VIPR1: variants seen among roughly 807,000 people sequenced by gnomAD.
VIPR1 encodes vasoactive intestinal polypeptide receptor 1.
Under a neutral mutation model 58.8 loss-of-function variants are expected in VIPR1, and 59 were observed. The observed-to-expected ratio is 1.00, with a 90% CI of 0.81 to 1.25. VIPR1 has a LOEUF of 1.25. Among genes scored for constraint, VIPR1 ranks in the 50% most tolerant of loss-of-function variants. The pLI, the probability that VIPR1 is intolerant of heterozygous loss-of-function variation, is 0.00. For missense variants in VIPR1, 626 were observed against 602.7 expected, an observed-to-expected ratio of 1.04 and a Z score of -0.40; for synonymous variants, 251 against 242.1, an observed-to-expected ratio of 1.04 and a Z score of -0.34.
chr3:42,528,195 C>A (rs893704677), intron 6 of VIPR1, 72 bp downstream of exon 6: 2 of 1,549,068 alleles, frequency 1.3e-6, no homozygotes, highest in Non-Finnish European at 1.7e-6. Flanking sequence ...CTCCTCTTCT[C>A]CCCCTGCTTC....
At chr3:42,495,353 C>G (rs1026554780) in intron 1 of VIPR1, among the ~76,000 whole-genome samples, 2 of 152,154 alleles carry the variant, frequency 1.3e-5, no homozygotes, top group Non-Finnish European at 2.9e-5. Context: ...CATCTCCTGA[C>G]CTTGTGATCT....
intron 1 of VIPR1, among the ~76,000 whole-genome samples, chr3:42,504,134 A>C (rs1022212634): frequency 6.6e-6 from 1 of 152,238 alleles, no homozygotes; most frequent in African/African-American, 2.4e-5. Flanking sequence ...CACAACTTGC[A>C]TGAAGCCTTC....
intron 2 of VIPR1, among the ~76,000 whole-genome samples, chr3:42,516,368 C>G (rs999062715): frequency 2.6e-5 from 4 of 152,208 alleles, no homozygotes; most frequent in Non-Finnish European, 5.9e-5. Context: ...CACCCCGTCC[C>G]CTGCTTCCCT....
chr3:42,534,859 A>C lies in VIPR1; in HGVS notation c.1011-116A>C, dbSNP rs1577261519. The C allele has an allele frequency of 9.5e-6, 13 of 1,371,058 alleles. No homozygotes were observed. The East Asian group carries it at 2.8e-4, about 30-fold the overall frequency. The allele number at this position is 1,371,058 out of a possible 1,614,324, so 84.9% of individuals were successfully genotyped here. On this transcript the variant is annotated intron_variant, in intron 10 of 12. Transcript: ENST00000325123. ...TCAGAGGAACCTACAGTCCATCCTC[A>C]TACTTCCTGGTCATTGTCCCCATCT...
chr3:42,502,867 CG>C lies in VIPR1; in HGVS notation c.78+59del. On this transcript the variant is annotated intron_variant, in intron 1 of 12. Transcript: ENST00000325123. ...CCGGCAGCCTGGGGGTTGCGGAGGG[CG>C]GGGGAGGTGGGGGATGGCGGGAGCC... 4 of 441,016 alleles carry C rather than the reference CG, an allele frequency of 9.1e-6. No individual in the cohort carries two copies. In the East Asian group the frequency reaches 2.1e-4, roughly 23 times the overall value. 27.3% of individuals were successfully genotyped at this position (441,016 alleles called of 1,614,324 possible). A position where few individuals can be genotyped will look rare whatever the true frequency, so the allele number is the denominator to read the frequency against.
At chr3:42,496,476 A>G (rs1248308256) in intron 1 of VIPR1, among the ~76,000 whole-genome samples, 1 of 152,218 alleles carries the variant, frequency 6.6e-6, no homozygotes, top group South Asian at 2.1e-4. Context: ...TTAGTTACAT[A>G]TACACATAGA....
At chr3:42,497,727 T>A (rs770135226), upstream of VIPR1, among the ~76,000 whole-genome samples, 1 of 152,210 alleles carries the variant, frequency 6.6e-6, no homozygotes, top group Non-Finnish European at 1.5e-5. Context: ...TGAATAACTC[T>A]CATGAGATCT....
rs141777358 is a variant in VIPR1 at position 42,520,758 on chromosome 3, G to A, written c.292+1428G>A. Among the ~76,000 whole-genome samples the A allele has an allele frequency of 5.0e-3, 764 of 152,238 alleles. 4 individuals carry two copies. Among genetic ancestry groups the A allele is most frequent in the African/African-American group, 0.017 (724 of 41,536 alleles). On this transcript the variant is annotated intron_variant, in intron 3 of 12. Coordinates refer to ENST00000325123, the MANE Select transcript of VIPR1 (RefSeq NM_004624.4). Reference sequence around the variant, plus strand: ...TTCCTCCCTGGACCCCAGTTTCCCCGTTTGTAAAGTGGGGATAGGTGGTAG... The same window carrying A: ...TTCCTCCCTGGACCCCAGTTTCCCCATTTGTAAAGTGGGGATAGGTGGTAG...
rs1158988647 is a variant in VIPR1, at chr3:42,519,265, C to G, written c.227C>G (p.Thr76Ser). The change falls in exon 3 of 13, where the codon ACC (threonine) becomes AGC (serine). Residue 76 changes from threonine to serine, a missense_variant. Coordinates refer to ENST00000325123, the MANE Select transcript of VIPR1 (RefSeq NM_004624.4). ...GACAACCTCACCTGCTGGCCAGCCA[C>G]CCCTCGGGGCCAGGTAGTTGTCTTG... ...MWDNLTCWPA[T>S]PRGQVVVLAC... 2 of 1,610,950 alleles carry G rather than the reference C, an allele frequency of 1.2e-6. No individual in the cohort carries two copies. The highest frequency in any genetic ancestry group is 2.2e-5 in the South Asian group (2 of 90,236).
In VIPR1 at chr3:42,536,420, TG is replaced by T; in HGVS notation, c.*141del. 1 of 914,300 alleles carries T rather than the reference TG, an allele frequency of 1.1e-6. No homozygotes were observed. The highest frequency in any genetic ancestry group is 1.7e-5 in the African/African-American group (1 of 57,156). The allele number at this position is 914,300 out of a possible 1,614,324, so 56.6% of individuals were successfully genotyped here. A position where few individuals can be genotyped will look rare whatever the true frequency, so the allele number is the denominator to read the frequency against. On this transcript the variant is annotated 3_prime_UTR_variant, in exon 13 of 13. Transcript: ENST00000325123. ...AGGCTGCCCCCGGCCCCCTGGTCTC[TG>T]GTCCGGACACTCCTAGAGAACGCAG... is the stretch of plus-strand genomic sequence containing the variant.
intron 1 of VIPR1, 163 bp from the exon 2 acceptor site, chr3:42,513,586 A>T: frequency 1.5e-6 from 1 of 683,150 alleles, no homozygotes; most frequent in Non-Finnish European, 2.4e-6. Flanking sequence ...GCAATGGACA[A>T]CAGGTTGGGG....
At chr3:42,496,469 GT>G (rs1198918970) in intron 1 of VIPR1, among the ~76,000 whole-genome samples, 3 of 152,162 alleles carry the variant, frequency 2.0e-5, no homozygotes, top group Non-Finnish European at 4.4e-5. Context: ...CATATTTTTA[GT>G]TACATATACA....
chr3:42,536,400 G>A lies in VIPR1; in HGVS notation c.*119G>A. On this transcript the variant is annotated 3_prime_UTR_variant, in exon 13 of 13. Coordinates refer to ENST00000325123, the MANE Select transcript of VIPR1 (RefSeq NM_004624.4). The stretch of plus-strand genomic sequence containing the variant: ...AGCCCCGGCCCTGGGCTCGGAGGCT[G>A]CCCCCGGCCCCCTGGTCTCTGGTCC... 9.1e-7 allele frequency: 1 copy of A among 1,095,878 alleles called. No homozygotes were observed. Among genetic ancestry groups the A allele is most frequent in the Non-Finnish European group, 1.2e-6 (1 of 801,760 alleles). 67.9% of individuals were successfully genotyped at this position (1,095,878 alleles called of 1,614,324 possible). A position where few individuals can be genotyped will look rare whatever the true frequency, so the allele number is the denominator to read the frequency against.
intron 2 of VIPR1, among the ~76,000 whole-genome samples, chr3:42,517,501 T>C (rs1444411527): frequency 6.6e-6 from 1 of 152,206 alleles, no homozygotes; most frequent in Non-Finnish European, 1.5e-5. Flanking sequence ...GGCATTTGCA[T>C]GTGCCTATTC....
chr3:42,491,328 T>A (rs1699661194), intron 1 of VIPR1, among the ~76,000 whole-genome samples: 2 of 152,216 alleles, frequency 1.3e-5, no homozygotes, highest in Non-Finnish European at 2.9e-5. Context: ...TTTTGGTATT[T>A]CTTAGTGTGA....
chr3:42,505,755 G>A (rs1000831582), intron 1 of VIPR1, among the ~76,000 whole-genome samples: 3 of 152,232 alleles, frequency 2.0e-5, no homozygotes, highest in Non-Finnish European at 4.4e-5. Flanking sequence ...TCCACTCCAT[G>A]GCAATGGCTT....
intron 1 of VIPR1, among the ~76,000 whole-genome samples, chr3:42,503,211 C>G (rs1273168103): frequency 6.6e-6 from 1 of 152,108 alleles, no homozygotes; most frequent in African/African-American, 2.4e-5. Context: ...ATGTGAGGGG[C>G]CGTTCTTGTG....
intron 6 of VIPR1, among the ~76,000 whole-genome samples, chr3:42,528,957 G>A (rs1005163747): frequency 3.3e-5 from 5 of 152,164 alleles, no homozygotes; most frequent in African/African-American, 9.7e-5. Context: ...ACCCACTTTG[G>A]CCATTCCCAG....
intron 12 of VIPR1, 128 bp from the exon 13 acceptor site, chr3:42,535,962 G>C (rs1359105847): frequency 1.7e-5 from 20 of 1,186,242 alleles, no homozygotes; most frequent in Non-Finnish European, 2.1e-5. Flanking sequence ...GGCAGCATAG[G>C]GGTCCCTCCA....
Sources: gnomAD v4.1 joint callset for allele counts (sites outside exome capture counted in the v4.1 genomes callset) on GRCh38, gnomAD v4.1.1 for gene constraint, MANE v1.5 for transcripts, NCBI Gene and HGNC (gene_info 2026-07-23, HGNC 2026-07-21) for gene names.